The following CADPS variants were observed in gnomAD, a reference collection of about 807,000 sequenced individuals.
CADPS encodes the protein calcium dependent secretion activator.
In CADPS, 57 loss-of-function variants were observed where a neutral mutation model predicts 167.3. The ratio of observed to expected loss-of-function variants is 0.34; its 90% CI spans 0.28 to 0.42. CADPS has a LOEUF of 0.42. Among genes scored for constraint, CADPS ranks in the 20% least tolerant of loss-of-function variants. The pLI is 1.00. For synonymous variants in CADPS, 676 were observed against 635.3 expected, an observed-to-expected ratio of 1.06 and a Z score of -0.96; for missense variants, 1,414 against 1,738.1, an observed-to-expected ratio of 0.81 and a Z score of 3.32.
In CADPS at chr3:62,539,864, A is replaced by G. The variant is rs548047980; in HGVS notation, c.1967-3283T>C. Among the ~76,000 whole-genome samples, 18 of 152,282 alleles carry G rather than the reference A, an allele frequency of 1.2e-4. No homozygotes were observed. In the South Asian group the frequency reaches 3.7e-3, roughly 32 times the overall value. Reference sequence around the variant, plus strand: ...AAGTGGCTGGGCATAGGCAGGTCACAAACACTAGATTTGAGACTAGCTCTG... The same window carrying G: ...AAGTGGCTGGGCATAGGCAGGTCACGAACACTAGATTTGAGACTAGCTCTG... On this transcript the variant is annotated intron_variant, in intron 11 of 29. Coordinates refer to ENST00000383710, the MANE Select transcript of CADPS (RefSeq NM_003716.4).
At chr3:62,418,053 C>T (rs1002819916) in intron 28 of CADPS, among the ~76,000 whole-genome samples, 5 of 151,908 alleles carry the variant, frequency 3.3e-5, no homozygotes, top group South Asian at 2.1e-4. Flanking sequence ...TATTATATAT[C>T]GGGCACTATT....
chr3:62,687,843 C>T (rs2078368441), intron 3 of CADPS, among the ~76,000 whole-genome samples: 1 of 149,832 alleles, frequency 6.7e-6, no homozygotes, highest in Non-Finnish European at 1.5e-5. Flanking sequence ...ATATATTAGA[C>T]CACCTAAACT....
At chr3:62,689,423 C>G (rs1237485982) in intron 3 of CADPS, among the ~76,000 whole-genome samples, 1 of 152,052 alleles carries the variant, frequency 6.6e-6, no homozygotes, top group African/African-American at 2.4e-5. Context: ...TGACCTCCAA[C>G]TGCTGTAAAA....
At chr3:62,801,432 T>C (rs1353733753) in intron 1 of CADPS, among the ~76,000 whole-genome samples, 1 of 152,094 alleles carries the variant, frequency 6.6e-6, no homozygotes, top group Non-Finnish European at 1.5e-5. Context: ...GAGACCTCAA[T>C]GAAAACCCAG....
intron 3 of CADPS, among the ~76,000 whole-genome samples, chr3:62,728,481 A>G (rs186590518): frequency 1.3e-5 from 2 of 151,964 alleles, no homozygotes; most frequent in East Asian, 1.9e-4. Flanking sequence ...TTTTCTGACT[A>G]TATCTTCATT....
At chr3:62,749,178 A>C (rs1354831746) in intron 3 of CADPS, among the ~76,000 whole-genome samples, 2 of 152,244 alleles carry the variant, frequency 1.3e-5, no homozygotes, top group African/African-American at 4.8e-5. Flanking sequence ...CAAACAGAAT[A>C]GATGTTAAGA....
chr3:62,667,339 C>T (rs1477579441), intron 3 of CADPS, among the ~76,000 whole-genome samples: 1 of 151,914 alleles, frequency 6.6e-6, no homozygotes, highest in Non-Finnish European at 1.5e-5. Context: ...GGGTGGGGAA[C>T]CCTGGGACCC....
chr3:62,697,038 A>ATATGATGTTTGGTTTTC (rs2080431773), intron 3 of CADPS, among the ~76,000 whole-genome samples: 1 of 152,132 alleles, frequency 6.6e-6, no homozygotes, highest in Admixed American at 6.5e-5. Flanking sequence ...CTTTGGAGAC[A>ATATGATGTTTGGTTTTC]CAAAGACTTG....
chr3:62,661,499 C>T (rs6794531), intron 4 of CADPS, among the ~76,000 whole-genome samples: 30,267 of 151,806 alleles, frequency 0.2, 3,227 homozygotes, highest in Middle Eastern at 0.29. Flanking sequence ...TCGGGAGTTC[C>T]GGTGGGAAAG....
intron 28 of CADPS, among the ~76,000 whole-genome samples, chr3:62,425,944 T>C (rs1347313640): frequency 1.3e-5 from 2 of 152,204 alleles, no homozygotes; most frequent in Non-Finnish European, 2.9e-5. Flanking sequence ...CTTTGAGGCT[T>C]CCATCTCACT....
Position 62,874,803 on chromosome 3 carries a change from C to T in CADPS, c.227G>A (p.Gly76Glu), listed in dbSNP as rs1577765614. 2 of 1,176,946 alleles carry T rather than the reference C, an allele frequency of 1.7e-6. No homozygotes were observed. Among genetic ancestry groups the T allele is most frequent in the East Asian group, 7.2e-5 (2 of 27,728 alleles). 72.9% of individuals were successfully genotyped at this position (1,176,946 alleles called of 1,614,324 possible). ...GSGASSGGGA[G>E]GLQPSSRAGG... Reference sequence around the variant, plus strand: ...AGCGCGGCTGCTGGGTTGCAGCCCCCCGGCCCCGCCGCCGCTGCTCGCGCC... The same window carrying T: ...AGCGCGGCTGCTGGGTTGCAGCCCCTCGGCCCCGCCGCCGCTGCTCGCGCC... The change falls in exon 1 of 30, where the codon GGG (glycine) becomes GAG (glutamate). Residue 76 changes from glycine to glutamate, a missense_variant. By Grantham distance (98) the Gly-to-Glu change is moderately conservative. This residue lies in a region of CADPS where 522 missense variants were observed against 559.5 expected (regional missense o/e 0.93). Transcript: ENST00000383710. The surrounding 1 kb of genome is among the most constrained non-coding windows in gnomAD (Gnocchi z 7.1).
intron 7 of CADPS, among the ~76,000 whole-genome samples, chr3:62,587,667 C>T (rs145826905): frequency 3.3e-5 from 5 of 152,354 alleles, no homozygotes; most frequent in East Asian, 1.9e-4. Context: ...ACAGGCCTTT[C>T]GCCATATGGA....
chr3:62,411,328 A>G (rs1487411184), intron 28 of CADPS, among the ~76,000 whole-genome samples: 1 of 152,210 alleles, frequency 6.6e-6, no homozygotes, highest in Non-Finnish European at 1.5e-5. Flanking sequence ...TAGAGGGGCT[A>G]ATGAAATAAC....
chr3:62,421,957 A>G lies in CADPS; in HGVS notation c.3777+16147T>C, dbSNP rs1165261027. ...TTGTAAAGCAGGTTGTGTTATTTAC[A>G]TATTTCTTTTGATAAGCCTCCTTGC... On this transcript the variant is annotated intron_variant, in intron 28 of 29. Coordinates refer to ENST00000383710, the MANE Select transcript of CADPS (RefSeq NM_003716.4). The surrounding 1 kb of genome is among the most constrained non-coding windows in gnomAD (Gnocchi z 4.7). Among the ~76,000 whole-genome samples, 2 of 152,256 alleles carry G rather than the reference A, an allele frequency of 1.3e-5. No homozygotes were observed. The highest frequency in any genetic ancestry group is 2.4e-5 in the African/African-American group (1 of 41,468).
chr3:62,535,561 T>C (rs1238831707), intron 12 of CADPS, among the ~76,000 whole-genome samples: 2 of 152,048 alleles, frequency 1.3e-5, no homozygotes, highest in Non-Finnish European at 2.9e-5. Flanking sequence ...TTCTCAACTT[T>C]AGTGTTTAGA....
chr3:62,565,265 T>C (rs557497328), intron 9 of CADPS, among the ~76,000 whole-genome samples: 2 of 152,294 alleles, frequency 1.3e-5, no homozygotes, highest in Admixed American at 6.5e-5. Context: ...ATAGGACATA[T>C]ATTGGAATTT....
At chr3:62,786,947 G>T (rs2092494665) in intron 1 of CADPS, among the ~76,000 whole-genome samples, 1 of 152,052 alleles carries the variant, frequency 6.6e-6, no homozygotes, top group African/African-American at 2.4e-5. Context: ...TCTTTCATTT[G>T]AATCTAAGGA....
At chr3:62,547,601 C>T (rs116514744) in intron 11 of CADPS, among the ~76,000 whole-genome samples, 1 of 113,924 alleles carries the variant, frequency 8.8e-6, no homozygotes, top group Non-Finnish European at 1.7e-5. Context: ...CCCCCCCCCG[C>T]AAATTCTAAC....
At chr3:62,448,704 C>T (rs2057591853) in intron 26 of CADPS, among the ~76,000 whole-genome samples, 1 of 152,054 alleles carries the variant, frequency 6.6e-6, no homozygotes, top group Non-Finnish European at 1.5e-5. Context: ...ACCTCTGCCT[C>T]CCGAGTTGAA....
Sources: allele counts gnomAD v4.1 joint callset (sites outside exome capture counted in the v4.1 genomes callset), GRCh38; gene constraint gnomAD v4.1.1; regional missense constraint gnomAD v4.1.1; non-coding constraint Gnocchi (gnomAD v3.1); transcripts MANE v1.5; gene names NCBI Gene and HGNC (gene_info 2026-07-23, HGNC 2026-07-21).